SLC38A6: variants seen among roughly 807,000 people sequenced by gnomAD.
SLC38A6 encodes N system amino acid transporter NAT-1.
SLC38A6 carries 73 observed loss-of-function variants against 65.0 expected under a neutral mutation model. That is an observed-to-expected ratio of 1.12 (90% CI 0.93 to 1.37). The LOEUF (loss-of-function observed/expected upper bound fraction) is 1.37, where lower values mean the gene tolerates loss of function less well. SLC38A6 is among the 40% of genes most tolerant of loss of function. The pLI is 0.00. For missense variants in SLC38A6, 561 were observed against 531.1 expected (o/e 1.06, Z -0.55); for synonymous variants, 183 against 178.8 (o/e 1.02, Z -0.19).
At chr14:61,006,581 C>G (rs899033514) in intron 3 of SLC38A6, among the ~76,000 whole-genome samples, 4 of 152,112 alleles carry the variant, frequency 2.6e-5, no homozygotes, top group South Asian at 2.1e-4. Context: ...AAAATGCTCA[C>G]CATCACTGGC....
chr14:61,030,671 G>A (rs2040924047), intron 6 of SLC38A6, 148 bp downstream of exon 6: 1 of 567,314 alleles, frequency 1.8e-6, no homozygotes, highest in East Asian at 3.0e-5. Flanking sequence ...AAGTGAAGCA[G>A]TAATAGAATA....
chr14:61,006,288 A>G (rs79234381), intron 3 of SLC38A6, among the ~76,000 whole-genome samples: 17 of 152,234 alleles, frequency 1.1e-4, no homozygotes, highest in South Asian at 6.2e-4. Flanking sequence ...CGTGTCTAAA[A>G]CATCAAAAGC....
chr14:61,008,129 C>A (rs1214874397), intron 3 of SLC38A6, among the ~76,000 whole-genome samples: 1 of 152,108 alleles, frequency 6.6e-6, no homozygotes, highest in East Asian at 1.9e-4. Flanking sequence ...TTATATATCT[C>A]AAATTCAAAG....
At chr14:60,991,626 T>C (rs2037895111) in intron 3 of SLC38A6, among the ~76,000 whole-genome samples, 1 of 152,174 alleles carries the variant, frequency 6.6e-6, no homozygotes, top group South Asian at 2.1e-4. Context: ...GTGCTCTTCT[T>C]GGACGTTTCT....
downstream of SLC38A6, among the ~76,000 whole-genome samples, chr14:61,053,464 T>C (rs1452901375): frequency 6.6e-6 from 1 of 152,246 alleles, no homozygotes; most frequent in East Asian, 1.9e-4. Flanking sequence ...GGAATCACCA[T>C]AGTGCTTCCA....
At chr14:60,982,747 T>G (rs1445559215) in intron 2 of SLC38A6, 109 bp downstream of exon 2, 1 of 1,251,726 alleles carries the variant, frequency 8.0e-7, no homozygotes, top group Non-Finnish European at 1.1e-6. Flanking sequence ...TAGTTAGTTA[T>G]TTCTGGGGTT....
At chr14:61,057,331 G>C (rs1177113182), downstream of SLC38A6, among the ~76,000 whole-genome samples, 2 of 25,940 alleles carry the variant, frequency 7.7e-5, no homozygotes, top group African/African-American at 1.6e-4. Context: ...TAGCATGAAG[G>C]GTTGTTGAAT....
chr14:61,004,867 A>T (rs577559931), intron 3 of SLC38A6, among the ~76,000 whole-genome samples: 23 of 152,058 alleles, frequency 1.5e-4, no homozygotes, highest in Admixed American at 1.2e-3. Flanking sequence ...TACCAAAGCC[A>T]GGCAGAGACA....
intron 6 of SLC38A6, among the ~76,000 whole-genome samples, chr14:61,035,604 T>A (rs2096199411): frequency 1.3e-5 from 2 of 152,184 alleles, no homozygotes; most frequent in South Asian, 4.1e-4. Flanking sequence ...ATAGTACTAA[T>A]TGGCACGATC....
Position 61,043,618 on chromosome 14 carries a change from A to G in SLC38A6, c.744+115A>G, listed in dbSNP as rs527829152. On this transcript the variant is annotated intron_variant, in intron 10 of 15. Transcript: ENST00000267488. ...ACCTGTGACTAATTAATTTTCATGA[A>G]AGTGCTAAGTATAGGATTGCCTACC... The G allele has an allele frequency of 4.3e-4, 288 of 664,124 alleles. 1 individual carries two copies. Among genetic ancestry groups the G allele is most frequent in the South Asian group, 1.9e-3 (74 of 38,712 alleles). The allele number at this position is 664,124 out of a possible 1,614,324, so 41.1% of individuals were successfully genotyped here. A position where few individuals can be genotyped will look rare whatever the true frequency, so the allele number is the denominator to read the frequency against.
chr14:61,063,164 T>A (rs1267695204), intron 15 of SLC38A6, among the ~76,000 whole-genome samples: 1 of 152,206 alleles, frequency 6.6e-6, no homozygotes, highest in Non-Finnish European at 1.5e-5. Context: ...CAAAATTGAT[T>A]CTTAGCTATG....
chr14:61,048,096 C>A, intron 12 of SLC38A6: 1 of 448,674 alleles, frequency 2.2e-6, no homozygotes, highest in Non-Finnish European at 4.5e-6. Context: ...TATTGATTTG[C>A]TCTTGGATTG....
chr14:61,036,373 CGTAA>C (rs2041367342), intron 6 of SLC38A6, among the ~76,000 whole-genome samples: 2 of 148,912 alleles, frequency 1.3e-5, no homozygotes, highest in South Asian at 4.2e-4. Context: ...TGTTCTCACT[CGTAA>C]GTGAGAGTTG....
intron 3 of SLC38A6, among the ~76,000 whole-genome samples, chr14:61,009,734 G>C (rs529390592): frequency 6.6e-6 from 1 of 152,206 alleles, no homozygotes; most frequent in South Asian, 2.1e-4. Flanking sequence ...TGGCTGCATA[G>C]TATTCCATGG....
At chr14:61,081,330 T>C (rs1022640395) in intron 16 of SLC38A6, among the ~76,000 whole-genome samples, 2 of 93,580 alleles carry the variant, frequency 2.1e-5, no homozygotes, top group Admixed American at 1.0e-4. Context: ...CTTTGGGTCA[T>C]TGCTTGAACT....
chr14:61,015,783 G>A, intron 3 of SLC38A6, 121 bp from the exon 4 acceptor site: 1 of 600,382 alleles, frequency 1.7e-6, no homozygotes, highest in Non-Finnish European at 2.6e-6. Context: ...GTTTAGTCCT[G>A]ATTGGCCTGG....
rs1275738319 is a variant in SLC38A6, at chr14:61,038,854, TCTGA to T, written c.624+1174_624+1177del. ...ATTCCTCTTCTTCTCTCCCCAGTTGTCTGACTTATATCTTACAGATAAGTGAATT... is the reference window on the plus strand; with the variant it reads ...ATTCCTCTTCTTCTCTCCCCAGTTGTCTTATATCTTACAGATAAGTGAATT... On this transcript the variant is annotated intron_variant, in intron 8 of 15. Transcript: ENST00000267488. 2.6e-5 allele frequency among the ~76,000 whole-genome samples: 4 copies of T among 152,338 alleles called. No homozygotes were observed. The South Asian group carries it at 6.2e-4, about 24-fold the overall frequency.
chr14:61,082,264 G>T (rs1007688641), intron 16 of SLC38A6, among the ~76,000 whole-genome samples: 6 of 152,184 alleles, frequency 3.9e-5, no homozygotes, highest in Admixed American at 3.9e-4. Flanking sequence ...CGTAAAACTG[G>T]TCTGCCTGTC....
chr14:61,044,519 T>A (rs545318275), intron 10 of SLC38A6, among the ~76,000 whole-genome samples: 3 of 152,282 alleles, frequency 2.0e-5, no homozygotes, highest in African/African-American at 7.2e-5. Context: ...CTAACCCCCT[T>A]CAGATATTTT....
Sources: gnomAD v4.1 joint callset for allele counts (sites outside exome capture counted in the v4.1 genomes callset) on GRCh38, gnomAD v4.1.1 for gene constraint, MANE v1.5 for transcripts, NCBI Gene and HGNC (gene_info 2026-07-23, HGNC 2026-07-21) for gene names.